PLCE1: variants seen among roughly 807,000 people sequenced by gnomAD.
PLCE1 encodes the protein 1-phosphatidylinositol 4,5-bisphosphate phosphodiesterase epsilon-1.
Under a neutral mutation model 242.8 loss-of-function variants are expected in PLCE1, and 119 were observed. That is an observed-to-expected ratio of 0.49 (90% CI 0.42 to 0.57). PLCE1 has a LOEUF of 0.57. PLCE1 is among the 20% of genes least tolerant of loss of function. The pLI is 0.00. For synonymous variants in PLCE1, 945 were observed against 1,017.4 expected (o/e 0.93, Z 1.35); for missense variants, 2,441 against 2,788.8 (o/e 0.88, Z 2.81).
chr10:94,273,538 T>C (rs749672417), intron 18 of PLCE1, 24 bp from the exon 19 acceptor site: 5 of 1,602,712 alleles, frequency 3.1e-6, no homozygotes, highest in Middle Eastern at 1.7e-4. Flanking sequence ...GCATTGATTG[T>C]ATGTTTTCCT....
chr10:94,132,140 G>A, intron 2 of PLCE1, 34 bp from the exon 3 acceptor site: 1 of 1,605,270 alleles, frequency 6.2e-7, no homozygotes. Flanking sequence ...TAAGAAACTA[G>A]ATTAATACTT....
intron 17 of PLCE1, 21 bp downstream of exon 17, chr10:94,269,057 T>G: frequency 8.1e-7 from 1 of 1,235,764 alleles, no homozygotes; most frequent in Non-Finnish European, 1.2e-6. Context: ...ATAACTTTCT[T>G]TAAATCAAAT....
intron 1 of PLCE1, among the ~76,000 whole-genome samples, chr10:94,010,648 C>T (rs1206329280): frequency 6.6e-6 from 1 of 152,198 alleles, no homozygotes; most frequent in African/African-American, 2.4e-5. Flanking sequence ...CAGGCTACCT[C>T]TTGAATGCTT....
chr10:94,207,044 G>A (rs1026008868), intron 4 of PLCE1, among the ~76,000 whole-genome samples: 1 of 152,182 alleles, frequency 6.6e-6, no homozygotes, highest in African/African-American at 2.4e-5. Context: ...ATTAACCATT[G>A]TATGTAGCTC....
intron 7 of PLCE1, among the ~76,000 whole-genome samples, chr10:94,237,205 A>C (rs1249422728): frequency 6.6e-6 from 1 of 152,204 alleles, no homozygotes; most frequent in Non-Finnish European, 1.5e-5. Flanking sequence ...GATACATCAG[A>C]TAGGAATAGA....
intron 19 of PLCE1, chr10:94,279,315 C>A (rs929318857): frequency 5.4e-5 from 9 of 166,184 alleles, no homozygotes; most frequent in Non-Finnish European, 1.0e-4. Context: ...AACAACAATT[C>A]TTTTGGCCTC....
chr10:94,312,244 C>G (rs2053409610), intron 27 of PLCE1, among the ~76,000 whole-genome samples: 1 of 152,152 alleles, frequency 6.6e-6, no homozygotes, highest in South Asian at 2.1e-4. Flanking sequence ...CCTCTCCTCC[C>G]CACCCCAAAT....
At chr10:94,197,151 T>C (rs558336126) in intron 4 of PLCE1, among the ~76,000 whole-genome samples, 18 of 152,338 alleles carry the variant, frequency 1.2e-4, no homozygotes, top group African/African-American at 4.3e-4. Context: ...TTCATCAGCA[T>C]TGTAGCATGA....
chr10:94,000,052 G>C (rs1010401873), intron 1 of PLCE1, among the ~76,000 whole-genome samples: 1 of 152,192 alleles, frequency 6.6e-6, no homozygotes, highest in Admixed American at 6.5e-5. Flanking sequence ...GGCCTCTTCA[G>C]GGTGAGGGAG....
intron 2 of PLCE1, among the ~76,000 whole-genome samples, chr10:94,126,249 T>C (rs907079488): frequency 6.6e-6 from 1 of 152,216 alleles, no homozygotes; most frequent in Admixed American, 6.5e-5. Context: ...TGTAATCCCA[T>C]GGAAGGATCC....
chr10:94,061,489 AG>A (rs1001469175), intron 2 of PLCE1, among the ~76,000 whole-genome samples: 3 of 152,206 alleles, frequency 2.0e-5, no homozygotes, highest in African/African-American at 7.2e-5. Context: ...AGCAATAGCC[AG>A]ACTTTCTTAT....
At chr10:94,129,784 C>CA (rs914460258) in intron 2 of PLCE1, among the ~76,000 whole-genome samples, 5 of 151,814 alleles carry the variant, frequency 3.3e-5, no homozygotes, top group African/African-American at 7.3e-5. Flanking sequence ...AAACAAAAAA[C>CA]AAAAAAAAGC....
At chr10:94,237,190 G>T (rs535652296) in intron 7 of PLCE1, among the ~76,000 whole-genome samples, 2 of 152,222 alleles carry the variant, frequency 1.3e-5, no homozygotes, top group East Asian at 3.9e-4. Context: ...TACTGTTAAG[G>T]CTAGGATACA....
intron 1 of PLCE1, among the ~76,000 whole-genome samples, chr10:94,024,509 C>T (rs2061425283): frequency 6.6e-6 from 1 of 152,078 alleles, no homozygotes; most frequent in Non-Finnish European, 1.5e-5. Context: ...TTCATGAATA[C>T]AGGTAATTAC....
At chr10:94,065,450 G>A (rs7082077) in intron 2 of PLCE1, among the ~76,000 whole-genome samples, 2,131 of 152,244 alleles carry the variant, frequency 0.014, 57 homozygotes, top group African/African-American at 0.048. Flanking sequence ...ACCTTATGCT[G>A]TTGCTGCTTT....
chr10:94,233,105 C>T (rs2050198977), intron 5 of PLCE1, among the ~76,000 whole-genome samples: 1 of 152,202 alleles, frequency 6.6e-6, no homozygotes, highest in Non-Finnish European at 1.5e-5. Context: ...CCACTGTGGG[C>T]AAAGCAGTTC....
At chr10:94,151,700 T>C (rs1360121051) in intron 3 of PLCE1, among the ~76,000 whole-genome samples, 1 of 152,146 alleles carries the variant, frequency 6.6e-6, no homozygotes, top group Non-Finnish European at 1.5e-5. Flanking sequence ...AAGTTCAGGC[T>C]GAAAGGCTGC....
chr10:94,289,069 A>C (rs905388633), intron 22 of PLCE1, among the ~76,000 whole-genome samples: 1 of 152,150 alleles, frequency 6.6e-6, no homozygotes, highest in Non-Finnish European at 1.5e-5. Flanking sequence ...AAAGGGATGC[A>C]TTTCAAGAAA....
chr10:94,060,719 G>T (rs1589939018), intron 2 of PLCE1, among the ~76,000 whole-genome samples: 1 of 146,550 alleles, frequency 6.8e-6, no homozygotes. Flanking sequence ...TTTTGAGACA[G>T]TCTCACTCTG....
Sources: gnomAD v4.1 joint callset for allele counts (sites outside exome capture counted in the v4.1 genomes callset) on GRCh38, gnomAD v4.1.1 for gene constraint, MANE v1.5 for transcripts, NCBI Gene and HGNC (gene_info 2026-07-23, HGNC 2026-07-21) for gene names.